PACSIN1: variants seen among roughly 807,000 people sequenced by gnomAD.
PACSIN1 encodes protein kinase C and casein kinase substrate in neurons protein 1.
Under a neutral mutation model 59.5 loss-of-function variants are expected in PACSIN1, and 15 were observed. That is an observed-to-expected ratio of 0.25 (90% CI 0.17 to 0.39). The LOEUF is 0.39. Ranked by LOEUF, PACSIN1 falls within the 10% of genes least tolerant of loss-of-function variation. The pLI is 1.00. For missense variants in PACSIN1, 420 were observed against 580.2 expected (o/e 0.72, Z 2.84); for synonymous variants, 210 against 220.6 (o/e 0.95, Z 0.42).
chr6:34,530,580 C>A lies in PACSIN1; in HGVS notation c.1030C>A (p.Arg344Ser). Reference protein sequence around the residue: ...AVESTSQAGDRGSVSSYDRGQ... With the variant: ...AVESTSQAGDSGSVSSYDRGQ... Reference sequence around the variant, plus strand: ...AGAGTCCACATCCCAGGCTGGGGACCGCGGCAGGTGAGTGCCTCCTGTGGA... The same window carrying A: ...AGAGTCCACATCCCAGGCTGGGGACAGCGGCAGGTGAGTGCCTCCTGTGGA... Residue 344 changes from arginine to serine, a missense_variant, in exon 8 of 10, where the codon CGC becomes AGC. Coordinates refer to ENST00000244458, the MANE Select transcript of PACSIN1 (RefSeq NM_020804.5). The surrounding 1 kb of genome is among the most constrained non-coding windows in gnomAD (Gnocchi z 4.4). The A allele has an allele frequency of 6.3e-7, 1 of 1,577,168 alleles. No individual in the cohort carries two copies. Among genetic ancestry groups the A allele is most frequent in the Non-Finnish European group, 8.6e-7 (1 of 1,161,474 alleles).
chr6:34,505,062 T>A (rs919001168), intron 1 of PACSIN1, among the ~76,000 whole-genome samples: 3 of 152,034 alleles, frequency 2.0e-5, no homozygotes, highest in Non-Finnish European at 4.4e-5. Context: ...CATAGTTCAC[T>A]GCAGCCTTGA....
In PACSIN1 at chr6:34,513,443, G is replaced by A. The variant is rs143378145; in HGVS notation, c.-63-12800G>A. Among the ~76,000 whole-genome samples, 16 of 152,256 alleles carry A rather than the reference G, an allele frequency of 1.1e-4. No homozygotes were observed. The East Asian group carries it at 3.1e-3, about 30-fold the overall frequency. ...AGTGACCCTTGCCCGAGGCCCTGCA[G>A]TGGTGCTGGGCTGGGAATAGCATGT... On this transcript the variant is annotated intron_variant, in intron 1 of 9. Transcript: ENST00000244458.
intron 1 of PACSIN1, among the ~76,000 whole-genome samples, chr6:34,479,572 A>C (rs1272654904): frequency 6.6e-6 from 1 of 152,100 alleles, no homozygotes; most frequent in African/African-American, 2.4e-5. Flanking sequence ...AGAAGCTGGG[A>C]CCACAGGAGT....
intron 1 of PACSIN1, among the ~76,000 whole-genome samples, chr6:34,494,015 A>G (rs1766913984): frequency 1.3e-5 from 2 of 152,226 alleles, no homozygotes; most frequent in Admixed American, 6.5e-5. Context: ...AGAGAACAGA[A>G]TATCAGCTCT....
chr6:34,508,151 TG>T (rs1356370297), intron 1 of PACSIN1, among the ~76,000 whole-genome samples: 1 of 152,238 alleles, frequency 6.6e-6, no homozygotes, highest in African/African-American at 2.4e-5. Flanking sequence ...TTGCCCCAGC[TG>T]GAGTCCAATG....
chr6:34,500,300 A>C (rs1767005033), intron 1 of PACSIN1, among the ~76,000 whole-genome samples: 1 of 152,246 alleles, frequency 6.6e-6, no homozygotes, highest in Non-Finnish European at 1.5e-5. Flanking sequence ...CCTGATTCGC[A>C]AATAAAAATA....
chr6:34,521,031 T>C lies in PACSIN1; in HGVS notation c.-63-5212T>C, dbSNP rs985941867. 3.3e-5 allele frequency among the ~76,000 whole-genome samples: 5 copies of C among 152,222 alleles called. No homozygotes were observed. The highest frequency in any genetic ancestry group is 1.2e-4 in the African/African-American group (5 of 41,456). On this transcript the variant is annotated intron_variant, in intron 1 of 9. Transcript: ENST00000244458. The surrounding 1 kb of genome is among the most constrained non-coding windows in gnomAD (Gnocchi z 4.3). ...AAGGTCCTTGGCATTTATTCATTCA[T>C]TCATTCAACAAAAGTGCACTGCGCA...
At position 34,521,846 on chromosome 6, in the gene PACSIN1, C is replaced by T. The variant is rs568835079; in HGVS notation, c.-63-4397C>T. On this transcript the variant is annotated intron_variant, in intron 1 of 9. Transcript: ENST00000244458. The surrounding 1 kb of genome is among the most constrained non-coding windows in gnomAD (Gnocchi z 4.3). ...CAGCCCATTTTACAGATGCGGACGCCGAGGCCTGGGAAGAGGGAGAGAGCC... is the reference window on the plus strand; with the variant it reads ...CAGCCCATTTTACAGATGCGGACGCTGAGGCCTGGGAAGAGGGAGAGAGCC... Among the ~76,000 whole-genome samples, 4 of 152,240 alleles carry T rather than the reference C, an allele frequency of 2.6e-5. No individual in the cohort carries two copies. The South Asian group carries it at 6.2e-4, about 24-fold the overall frequency.
chr6:34,501,862 C>G (rs1767029533), intron 1 of PACSIN1, among the ~76,000 whole-genome samples: 1 of 151,890 alleles, frequency 6.6e-6, no homozygotes, highest in African/African-American at 2.4e-5. Context: ...AACCCCATCT[C>G]TACTAAAAAT....
intron 1 of PACSIN1, among the ~76,000 whole-genome samples, chr6:34,467,411 A>G (rs1766511372): frequency 6.6e-6 from 1 of 152,186 alleles, no homozygotes; most frequent in Admixed American, 6.5e-5. Flanking sequence ...TGCATGACTT[A>G]TTGAATGAGT....
At chr6:34,497,240 G>A (rs532763294) in intron 1 of PACSIN1, among the ~76,000 whole-genome samples, 6 of 152,040 alleles carry the variant, frequency 3.9e-5, no homozygotes, top group African/African-American at 9.6e-5. Flanking sequence ...TGAGCCCCGC[G>A]CCCAGCCAAT....
At chr6:34,486,464 G>A (rs1176784135) in intron 1 of PACSIN1, among the ~76,000 whole-genome samples, 1 of 152,144 alleles carries the variant, frequency 6.6e-6, no homozygotes, top group South Asian at 2.1e-4. Flanking sequence ...CACGGGGTAT[G>A]GAACTGGGAT....
In PACSIN1 at chr6:34,515,913, G is replaced by C. The variant is rs1457667406; in HGVS notation, c.-63-10330G>C. ...TCAGGAGGGGGCAGGGTGGGGTGCA[G>C]GGGAGGAGCTGGGCCCTCTGCCCCA... On this transcript the variant is annotated intron_variant, in intron 1 of 9. Transcript: ENST00000244458. The surrounding 1 kb of genome is among the most constrained non-coding windows in gnomAD (Gnocchi z 4.4). 1.3e-5 allele frequency among the ~76,000 whole-genome samples: 2 copies of C among 152,078 alleles called. No individual in the cohort carries two copies. Among genetic ancestry groups the C allele is most frequent in the African/African-American group, 4.8e-5 (2 of 41,404 alleles).
At position 34,533,687 on chromosome 6, in the gene PACSIN1, G is replaced by C. The variant is rs543479284; in HGVS notation, c.*1157G>C. ...AGGGGAGAGCCTGCAGCTGAGTTCA[G>C]CAGAAAGGAGGAATCCTGGCCCTCA... On this transcript the variant is annotated 3_prime_UTR_variant, in exon 10 of 10. Transcript: ENST00000244458. The C allele has an allele frequency of 2.6e-5, 4 of 152,338 alleles. No homozygotes were observed. The highest frequency in any genetic ancestry group is 6.5e-5 in the Admixed American group (1 of 15,290). The allele number at this position is 152,338 out of a possible 1,614,324, so 9.4% of individuals were successfully genotyped here. A position where few individuals can be genotyped will look rare whatever the true frequency, so the allele number is the denominator to read the frequency against.
chr6:34,486,367 T>C (rs74851528), intron 1 of PACSIN1, among the ~76,000 whole-genome samples: 8,056 of 152,020 alleles, frequency 0.053, 699 homozygotes, highest in African/African-American at 0.18. Context: ...GGTGCCATCA[T>C]CCCCGCTTTG....
At chr6:34,505,158 C>A (rs1298562079) in intron 1 of PACSIN1, among the ~76,000 whole-genome samples, 1 of 152,060 alleles carries the variant, frequency 6.6e-6, no homozygotes, top group Non-Finnish European at 1.5e-5. Flanking sequence ...CCACACCCAG[C>A]TGATTTAAAA....
At position 34,534,158 on chromosome 6, in the gene PACSIN1, C is replaced by G. The variant is rs1239310638; in HGVS notation, c.*1628C>G. On this transcript the variant is annotated 3_prime_UTR_variant, in exon 10 of 10. Transcript: ENST00000244458. ...CCAGCCCTGTTTCCCCTCAGTCCTC[C>G]TTTGCTCCTGCTGCTTCTCCCAACA... is the stretch of plus-strand genomic sequence containing the variant. 1.3e-5 allele frequency: 2 copies of G among 152,880 alleles called. No homozygotes were observed. The highest frequency in any genetic ancestry group is 2.9e-5 in the Non-Finnish European group (2 of 68,584). The allele number at this position is 152,880 out of a possible 1,614,324, so 9.5% of individuals were successfully genotyped here. A position where few individuals can be genotyped will look rare whatever the true frequency, so the allele number is the denominator to read the frequency against.
rs1767603579 is a variant in PACSIN1 at position 34,531,910 on chromosome 6, G to C, written c.1225+123G>C. On this transcript the variant is annotated intron_variant, in intron 9 of 9. Coordinates refer to ENST00000244458, the MANE Select transcript of PACSIN1 (RefSeq NM_020804.5). The surrounding 1 kb of genome is among the most constrained non-coding windows in gnomAD (Gnocchi z 4.4). ...GGATTGGGTGTGTGGTGGTGCAGGG[G>C]CGGTGCCTGAGAGAGAAGCTTGGGT... 2 of 940,324 alleles carry C rather than the reference G, an allele frequency of 2.1e-6. No homozygotes were observed. The highest frequency in any genetic ancestry group is 3.3e-5 in the South Asian group (2 of 60,040). 58.2% of individuals were successfully genotyped at this position (940,324 alleles called of 1,614,324 possible).
At position 34,488,031 on chromosome 6, in the gene PACSIN1, C is replaced by T. The variant is rs1766821694; in HGVS notation, c.-64+21761C>T. On this transcript the variant is annotated intron_variant, in intron 1 of 9. Transcript: ENST00000244458. The surrounding 1 kb of genome is among the most constrained non-coding windows in gnomAD (Gnocchi z 4.7). ...AGGTCAGTGAGATAAGCCACAGTCC[C>T]GCTGCTGCAGCAGGACTCTGGGCCA... Among the ~76,000 whole-genome samples the T allele has an allele frequency of 1.3e-5, 2 of 152,088 alleles. No homozygotes were observed. The highest frequency in any genetic ancestry group is 4.8e-5 in the African/African-American group (2 of 41,404).
Sources: gnomAD v4.1 joint callset for allele counts (sites outside exome capture counted in the v4.1 genomes callset) on GRCh38, gnomAD v4.1.1 for gene constraint, Gnocchi (gnomAD v3.1) non-coding constraint, MANE v1.5 for transcripts, NCBI Gene and HGNC (gene_info 2026-07-23, HGNC 2026-07-21) for gene names.